TBC1D15: variants seen among roughly 807,000 people sequenced by gnomAD.
The protein encoded by TBC1D15 is TBC1 domain family member 15.
TBC1D15 carries 39 observed loss-of-function variants against 95.4 expected under a neutral mutation model. The ratio of observed to expected loss-of-function variants is 0.41; its 90% CI spans 0.32 to 0.53. TBC1D15 has a LOEUF of 0.53. Among genes scored for constraint, TBC1D15 ranks in the 20% least tolerant of loss-of-function variants. The pLI, the probability that TBC1D15 is intolerant of heterozygous loss-of-function variation, is 0.29. For missense variants in TBC1D15, 733 were observed against 794.3 expected, an observed-to-expected ratio of 0.92 and a Z score of 0.93; for synonymous variants, 258 against 261.3, an observed-to-expected ratio of 0.99 and a Z score of 0.12.
At chr12:71,896,158 GT>G (rs927731556) in intron 8 of TBC1D15, 83 bp downstream of exon 8, 408 of 938,922 alleles carry the variant, frequency 4.3e-4, no homozygotes, top group African/African-American at 1.3e-3. Context: ...GTTTTGGTGT[GT>G]TTTTTTTTGT....
chr12:71,852,016 C>T (rs937795795), intron 1 of TBC1D15, among the ~76,000 whole-genome samples: 4 of 152,256 alleles, frequency 2.6e-5, no homozygotes, highest in Non-Finnish European at 4.4e-5. Flanking sequence ...TTCATGAGGA[C>T]TCTGCCCCTG....
At chr12:71,888,240 T>C (rs1896606583) in intron 5 of TBC1D15, among the ~76,000 whole-genome samples, 1 of 152,154 alleles carries the variant, frequency 6.6e-6, no homozygotes, top group Admixed American at 6.5e-5. Context: ...TCCCAGCACT[T>C]TGGGAGGCTG....
chr12:71,896,836 A>G, intron 9 of TBC1D15, 56 bp downstream of exon 9: 2 of 1,360,950 alleles, frequency 1.5e-6, no homozygotes, highest in Middle Eastern at 1.9e-4. Flanking sequence ...CCACTCATAC[A>G]AATTAGTATA....
intron 1 of TBC1D15, among the ~76,000 whole-genome samples, chr12:71,842,315 T>C (rs1167311119): frequency 6.6e-6 from 1 of 152,218 alleles, no homozygotes; most frequent in Non-Finnish European, 1.5e-5. Context: ...TACAAGCGAC[T>C]TCAGTAAAAT....
intron 3 of TBC1D15, among the ~76,000 whole-genome samples, chr12:71,877,060 C>T (rs1422839069): frequency 6.6e-6 from 1 of 152,072 alleles, no homozygotes; most frequent in Non-Finnish European, 1.5e-5. Flanking sequence ...ATCTGTCCAC[C>T]TCAGCCTCCC....
chr12:71,848,957 T>C (rs1338384379), intron 1 of TBC1D15, among the ~76,000 whole-genome samples: 2 of 152,144 alleles, frequency 1.3e-5, no homozygotes, highest in African/African-American at 4.8e-5. Context: ...ATCATGTCTA[T>C]AAAAACAGCA....
intron 5 of TBC1D15, among the ~76,000 whole-genome samples, chr12:71,888,734 C>A (rs1896704602): frequency 6.6e-6 from 1 of 151,930 alleles, no homozygotes; most frequent in African/African-American, 2.4e-5. Flanking sequence ...AAGCATGCAC[C>A]CTACTCTTTC....
intron 9 of TBC1D15, chr12:71,897,214 A>C (rs1898367046): frequency 6.5e-6 from 1 of 153,890 alleles, no homozygotes; most frequent in Admixed American, 6.5e-5. Context: ...TGGATCCTTC[A>C]TTCTTTTTGG....
At chr12:71,906,887 A>AT (rs1408809152) in intron 10 of TBC1D15, 135 bp from the exon 11 acceptor site, 5 of 486,332 alleles carry the variant, frequency 1.0e-5, no homozygotes, top group Non-Finnish European at 1.8e-5. Flanking sequence ...AATTTGATGA[A>AT]TTTTTTCTTC....
intron 3 of TBC1D15, among the ~76,000 whole-genome samples, chr12:71,880,232 T>C (rs891702214): frequency 6.6e-6 from 1 of 151,790 alleles, no homozygotes; most frequent in Non-Finnish European, 1.5e-5. Flanking sequence ...CAGAGTTGAC[T>C]TCTGCTTATA....
In TBC1D15 at chr12:71,896,688, T is replaced by G. The variant is rs1205903527; in HGVS notation, c.996T>G (p.His332Gln). ...KQMIFRGGLS[H>Q]ALRKQAWKFL... ...TATGCTTTCTTCAGGGACTTAGTCA[T>G]GCATTGAGAAAGCAAGCATGGAAAT... Residue 332 changes from histidine (H) to glutamine (Q), a missense_variant, in exon 9 of 17, where the codon CAT (histidine) becomes CAG (glutamine). Transcript: ENST00000485960. The G allele has an allele frequency of 2.5e-6, 4 of 1,612,840 alleles. No individual in the cohort carries two copies. The highest frequency in any genetic ancestry group is 3.4e-6 in the Non-Finnish European group (4 of 1,179,192).
At chr12:71,853,640 T>C (rs1240308765) in intron 1 of TBC1D15, among the ~76,000 whole-genome samples, 1 of 152,254 alleles carries the variant, frequency 6.6e-6, no homozygotes, top group African/African-American at 2.4e-5. Context: ...ATGTCAGATA[T>C]GTTGAATTCT....
intron 11 of TBC1D15, chr12:71,907,397 C>T (rs1900996072): frequency 4.3e-6 from 1 of 234,364 alleles, no homozygotes. Context: ...ACCACTCTAA[C>T]TACTAGCTGA....
At chr12:71,916,969 TATTA>T (rs1174087033) in intron 12 of TBC1D15, among the ~76,000 whole-genome samples, 4 of 151,838 alleles carry the variant, frequency 2.6e-5, no homozygotes, top group African/African-American at 4.9e-5. Flanking sequence ...TTCATTTATT[TATTA>T]ATTCATTAAA....
chr12:71,888,805 T>C (rs1896717587), intron 5 of TBC1D15, among the ~76,000 whole-genome samples: 2 of 151,858 alleles, frequency 1.3e-5, no homozygotes, highest in South Asian at 4.2e-4. Flanking sequence ...CATTTCCTTT[T>C]GGAAATGTGA....
intron 5 of TBC1D15, among the ~76,000 whole-genome samples, chr12:71,885,374 T>A (rs1158150059): frequency 1.3e-5 from 2 of 152,258 alleles, no homozygotes; most frequent in African/African-American, 4.8e-5. Context: ...TTACTTGTGA[T>A]GTTGCAGCTT....
intron 1 of TBC1D15, among the ~76,000 whole-genome samples, chr12:71,848,117 CAAAT>C (rs899530362): frequency 1.1e-4 from 17 of 152,144 alleles, no homozygotes; most frequent in African/African-American, 4.1e-4. Context: ...ATAAAACAAA[CAAAT>C]AAATAAAATA....
chr12:71,868,568 G>A (rs1891994247), intron 1 of TBC1D15, among the ~76,000 whole-genome samples: 1 of 151,916 alleles, frequency 6.6e-6, no homozygotes, highest in African/African-American at 2.4e-5. Context: ...TTTGTAAGGT[G>A]TCTGTCACTT....
At chr12:71,846,830 G>A (rs912396995) in intron 1 of TBC1D15, among the ~76,000 whole-genome samples, 3 of 142,548 alleles carry the variant, frequency 2.1e-5, no homozygotes, top group African/African-American at 7.9e-5. Context: ...GTGTGATCTC[G>A]GCTTACTGCA....
Sources: gnomAD v4.1 joint callset for allele counts (sites outside exome capture counted in the v4.1 genomes callset) on GRCh38, gnomAD v4.1.1 for gene constraint, MANE v1.5 for transcripts, NCBI Gene and HGNC (gene_info 2026-07-23, HGNC 2026-07-21) for gene names.